Variants in OPCML observed in about 807,000 individuals in gnomAD.
OPCML encodes opioid-binding protein/cell adhesion molecule.
A neutral mutation model predicts 37.8 loss-of-function variants in OPCML; 13 were observed. The ratio of observed to expected loss-of-function variants is 0.34; its 90% CI spans 0.22 to 0.55. The LOEUF (loss-of-function observed/expected upper bound fraction) is 0.55. Ranked by LOEUF, OPCML falls within the 20% of genes least tolerant of loss-of-function variation. The probability of loss-of-function intolerance (pLI) is 0.91; values close to 1 mark genes in which losing one functional copy is unlikely to be tolerated. For synonymous variants in OPCML, 176 were observed against 168.8 expected (o/e 1.04, Z -0.33); for missense variants, 341 against 435.6 (o/e 0.78, Z 1.93).
chr11:132,970,823 C>T (rs2136754176), intron 1 of OPCML, among the ~76,000 whole-genome samples: 1 of 152,330 alleles, frequency 6.6e-6, no homozygotes, highest in Non-Finnish European at 1.5e-5. Flanking sequence ...CTGTAGTACT[C>T]ATAGCTGAAG....
At chr11:132,576,815 A>G (rs2096452077) in intron 3 of OPCML, among the ~76,000 whole-genome samples, 1 of 152,136 alleles carries the variant, frequency 6.6e-6, no homozygotes, top group African/African-American at 2.4e-5. Flanking sequence ...CTCCCTAGGG[A>G]AAAGCAGACA....
At chr11:133,085,942 T>C (rs887488477) in intron 1 of OPCML, among the ~76,000 whole-genome samples, 1 of 152,234 alleles carries the variant, frequency 6.6e-6, no homozygotes, top group African/African-American at 2.4e-5. Context: ...TGTCGGTTCA[T>C]CTAATATCTA....
intron 1 of OPCML, among the ~76,000 whole-genome samples, chr11:133,044,771 G>C (rs990951148): frequency 6.6e-6 from 1 of 152,148 alleles, no homozygotes; most frequent in Non-Finnish European, 1.5e-5. Flanking sequence ...ATGGGAGCCT[G>C]TGCTCTTGGA....
chr11:133,422,011 A>G (rs1249846005), intron 1 of OPCML: 1 of 403,320 alleles, frequency 2.5e-6, no homozygotes, highest in Non-Finnish European at 3.4e-6. Context: ...GTACATGTGC[A>G]GAATGTGCAT....
rs145092485 is a variant in OPCML at position 133,170,586 on chromosome 11, T to G, written c.62-227576A>C. Among the ~76,000 whole-genome samples, 209 of 152,332 alleles carry G rather than the reference T, an allele frequency of 1.4e-3. 1 individual carries two copies. Among genetic ancestry groups the G allele is most frequent in the African/African-American group, 4.9e-3 (205 of 41,568 alleles). The stretch of plus-strand genomic sequence containing the variant: ...AATCCAGTTGTGAGTGGGGGTTAGC[T>G]TCTCCAGATTCAGCAAATAAAAATA... On this transcript the variant is annotated intron_variant, in intron 1 of 7. Transcript: ENST00000524381.
chr11:132,772,328 C>T (rs888821048), intron 2 of OPCML: 1 of 152,168 alleles, frequency 6.6e-6, no homozygotes, highest in Non-Finnish European at 1.5e-5. Flanking sequence ...AAATCACACA[C>T]CAAAATGGTC....
At chr11:132,899,682 G>A (rs919610901) in intron 2 of OPCML, among the ~76,000 whole-genome samples, 1 of 151,876 alleles carries the variant, frequency 6.6e-6, no homozygotes, top group Admixed American at 6.6e-5. Flanking sequence ...ATTATTTTGG[G>A]GTGTGTCTGT....
At chr11:132,488,514 G>T (rs2096206796) in intron 4 of OPCML, among the ~76,000 whole-genome samples, 1 of 152,180 alleles carries the variant, frequency 6.6e-6, no homozygotes, top group Admixed American at 6.5e-5. Flanking sequence ...AGATGAAAAG[G>T]TATACTTGTA....
chr11:133,025,236 T>A (rs1947529574), intron 1 of OPCML: 1 of 753,136 alleles, frequency 1.3e-6, no homozygotes, highest in African/African-American at 1.9e-5. Context: ...TTATTTTTAT[T>A]TGTGCAAATA....
At chr11:132,576,399 G>A (rs1488760462) in intron 3 of OPCML, among the ~76,000 whole-genome samples, 1 of 143,940 alleles carries the variant, frequency 6.9e-6, no homozygotes, top group Non-Finnish European at 1.5e-5. Context: ...TTTTTTTTCT[G>A]CTTGATCTAG....
At chr11:132,433,388 C>T (rs1026234108) in intron 7 of OPCML, among the ~76,000 whole-genome samples, 1 of 152,076 alleles carries the variant, frequency 6.6e-6, no homozygotes, top group African/African-American at 2.4e-5. Flanking sequence ...TGTTTGTGGT[C>T]GAATCCACAC....
At chr11:133,288,576 A>C (rs1942368273) in intron 1 of OPCML, among the ~76,000 whole-genome samples, 1 of 152,168 alleles carries the variant, frequency 6.6e-6, no homozygotes. Context: ...ACATCTTTGC[A>C]TCTGTGGTTC....
At chr11:132,648,511 TTCTC>T (rs921716670) in intron 3 of OPCML, among the ~76,000 whole-genome samples, 11 of 151,538 alleles carry the variant, frequency 7.3e-5, no homozygotes, top group South Asian at 2.1e-4. Flanking sequence ...GCCCTGACAC[TTCTC>T]TCTGTCTTTT....
rs140677635 is a variant in OPCML, at chr11:132,443,534, G to T, written c.506-6175C>A. On this transcript the variant is annotated intron_variant, in intron 4 of 7. Transcript: ENST00000524381. ...CCAGGTGATTGACGACCAAGTGCAT[G>T]CCTCTGGCCTGTAAGGCCACAACTA... is the stretch of plus-strand genomic sequence containing the variant. Among the ~76,000 whole-genome samples the T allele has an allele frequency of 4.6e-3, 702 of 152,342 alleles. 2 individuals carry two copies. Among genetic ancestry groups the T allele is most frequent in the South Asian group, 0.018 (86 of 4,830 alleles).
chr11:132,814,255 T>G (rs1939505732), intron 2 of OPCML, among the ~76,000 whole-genome samples: 1 of 152,194 alleles, frequency 6.6e-6, no homozygotes, highest in Non-Finnish European at 1.5e-5. Flanking sequence ...GAAACAGAAC[T>G]AATAGGAGAT....
At chr11:133,035,119 G>A (rs57848990) in intron 1 of OPCML, among the ~76,000 whole-genome samples, 12,466 of 152,198 alleles carry the variant, frequency 0.082, 824 homozygotes, top group East Asian at 0.3. Context: ...TTTATACAGA[G>A]GGGAGGGTAC....
chr11:132,860,009 T>C (rs920887649), intron 2 of OPCML: 1 of 152,114 alleles, frequency 6.6e-6, no homozygotes, highest in Non-Finnish European at 1.5e-5. Flanking sequence ...ACCATACAAA[T>C]ACCTGCACAA....
intron 1 of OPCML, among the ~76,000 whole-genome samples, chr11:133,115,794 G>C (rs2137103653): frequency 6.6e-6 from 1 of 152,084 alleles, no homozygotes; most frequent in South Asian, 2.1e-4. Context: ...ATGTTACCCA[G>C]ATTCACTAAT....
intron 1 of OPCML, chr11:133,006,710 G>A (rs555749940): frequency 2.0e-6 from 2 of 985,306 alleles, no homozygotes; most frequent in African/African-American, 3.5e-5. Context: ...TGCTAGAATT[G>A]TTCCAGCACC....
Sources: allele counts gnomAD v4.1 joint callset (sites outside exome capture counted in the v4.1 genomes callset), GRCh38; gene constraint gnomAD v4.1.1; transcripts MANE v1.5; gene names NCBI Gene and HGNC (gene_info 2026-07-23, HGNC 2026-07-21).